PLEK2: variants seen among roughly 807,000 people sequenced by gnomAD.
The protein encoded by PLEK2 is pleckstrin-2.
Under a neutral mutation model 43.8 loss-of-function variants are expected in PLEK2, and 29 were observed. That is an observed-to-expected ratio of 0.66 (90% CI 0.49 to 0.90). The LOEUF is 0.90. Among genes scored for constraint, PLEK2 ranks in the 40% least tolerant of loss-of-function variants. PLEK2 has a pLI of 0.00. For missense variants in PLEK2, 398 were observed against 448.1 expected (o/e 0.89, Z 1.01); for synonymous variants, 162 against 173.2 (o/e 0.94, Z 0.51).
intron 7 of PLEK2, among the ~76,000 whole-genome samples, chr14:67,389,125 C>T (rs937645243): frequency 1.1e-4 from 16 of 151,976 alleles, no homozygotes; most frequent in Admixed American, 6.6e-5. Flanking sequence ...TTACACACCT[C>T]GTGCCTCAGG....
intron 2 of PLEK2, among the ~76,000 whole-genome samples, 190 bp downstream of exon 2, chr14:67,397,472 G>A (rs1000705950): frequency 3.3e-5 from 5 of 152,338 alleles, no homozygotes; most frequent in South Asian, 2.1e-4. Context: ...GATGAGGAAC[G>A]AAGGCTCAGA....
intron 1 of PLEK2, among the ~76,000 whole-genome samples, chr14:67,402,557 T>G (rs142107454): frequency 5.9e-5 from 9 of 152,322 alleles, no homozygotes; most frequent in African/African-American, 2.2e-4. Context: ...CCATTAACCA[T>G]TCCCATCTCC....
At chr14:67,391,173 GC>G (rs2085963620) in intron 6 of PLEK2, among the ~76,000 whole-genome samples, 1 of 152,084 alleles carries the variant, frequency 6.6e-6, no homozygotes, top group South Asian at 2.1e-4. Context: ...CTACACGTGT[GC>G]CCACATGTGC....
chr14:67,397,834 CA>C lies in PLEK2; in HGVS notation c.43-9del, dbSNP rs1288906776. 7 of 1,603,408 alleles carry C rather than the reference CA, an allele frequency of 4.4e-6. No homozygotes were observed. The East Asian group carries it at 1.6e-4, about 36-fold the overall frequency. On this transcript the variant is annotated splice_polypyrimidine_tract_variant and intron_variant, in intron 1 of 8. Coordinates refer to ENST00000216446, the MANE Select transcript of PLEK2 (RefSeq NM_016445.3). ...GTTGTGGACAATGTGGCCCTATGGACAGACAAGAAAGCCCTGAGGTGAGGCG... is the reference window on the plus strand; with the variant it reads ...GTTGTGGACAATGTGGCCCTATGGACGACAAGAAAGCCCTGAGGTGAGGCG...
rs761790304 is a variant in PLEK2 at position 67,392,801 on chromosome 14, C to T, written c.530G>A (p.Arg177His). The change falls in exon 5 of 9, where the codon CGT (arginine) becomes CAT (histidine). Residue 177 changes from arginine to histidine, a missense_variant. By Grantham distance (29) the Arg-to-His change is conservative (BLOSUM62 0). Coordinates refer to ENST00000216446, the MANE Select transcript of PLEK2 (RefSeq NM_016445.3). ...GGAGGCCAGGGTCACCGCCTCCAGA[C>T]GGCTGGCCGTGAAGCTGTTGGAGAT... Reference protein sequence around the residue: ...WLISNSFTASRLEAVTLASML... With the variant: ...WLISNSFTASHLEAVTLASML... 29 of 1,613,720 alleles carry T rather than the reference C, an allele frequency of 1.8e-5. No homozygotes were observed. Among genetic ancestry groups the T allele is most frequent in the Non-Finnish European group, 1.9e-5 (22 of 1,179,810 alleles).
chr14:67,399,948 C>A (rs1022416415), intron 1 of PLEK2, among the ~76,000 whole-genome samples: 4 of 152,184 alleles, frequency 2.6e-5, no homozygotes, highest in African/African-American at 9.7e-5. Flanking sequence ...GGGCTAGGTT[C>A]TAACCAACAG....
chr14:67,408,084 C>T lies in PLEK2; in HGVS notation c.42+3934G>A, dbSNP rs1020593440. Among the ~76,000 whole-genome samples the T allele has an allele frequency of 5.3e-5, 8 of 152,090 alleles. No individual in the cohort carries two copies. The South Asian group carries it at 1.7e-3, about 32-fold the overall frequency. On this transcript the variant is annotated intron_variant, in intron 1 of 8. Coordinates refer to ENST00000216446, the MANE Select transcript of PLEK2 (RefSeq NM_016445.3). ...GGTGGATCACCTGAGGTTGGGAGTT[C>T]AAGACCAGCCTGACCAACACGGAGA...
chr14:67,395,491 G>C lies in PLEK2; in HGVS notation c.300C>G (p.Thr100=). The C allele has an allele frequency of 6.2e-7, 1 of 1,613,994 alleles. No individual in the cohort carries two copies. Among genetic ancestry groups the C allele is most frequent in the African/African-American group, 1.3e-5 (1 of 75,028 alleles). The change falls in exon 3 of 9, where the codon ACC becomes ACG. Residue 100 remains threonine (T), a synonymous_variant. Transcript: ENST00000216446. ...CCGGCTGCCCTGCATGAATAGCCCC[G>C]GTGATCTCAAAGGCCCAGGCATCCC... ...EERDAWAFEI[T]GAIHAGQPGK...
At chr14:67,389,161 T>C (rs753066436) in intron 7 of PLEK2, among the ~76,000 whole-genome samples, 16 of 151,980 alleles carry the variant, frequency 1.1e-4, no homozygotes, top group Non-Finnish European at 2.1e-4. Context: ...AATTAATCAA[T>C]AATCAACTTC....
In PLEK2 at chr14:67,398,019, A is replaced by G. The variant is rs564709997; in HGVS notation, c.43-193T>C. On this transcript the variant is annotated intron_variant, in intron 1 of 8. Coordinates refer to ENST00000216446, the MANE Select transcript of PLEK2 (RefSeq NM_016445.3). ...CTTTGGCACTGACCTTCTAGTTCCT[A>G]TTTGGCCATTTCTCTGGTTTTAAAT... The G allele has an allele frequency of 1.3e-4, 53 of 408,788 alleles. 2 individuals are homozygous for G. In the South Asian group the frequency reaches 5.0e-3, roughly 38 times the overall value. The allele number at this position is 408,788 out of a possible 1,614,324, so 25.3% of individuals were successfully genotyped here.
At chr14:67,410,694 A>G (rs561310170) in intron 1 of PLEK2, among the ~76,000 whole-genome samples, 5 of 152,322 alleles carry the variant, frequency 3.3e-5, no homozygotes, top group Admixed American at 2.6e-4. Flanking sequence ...GGGCTGATCC[A>G]GCCACCCCGG....
At chr14:67,405,853 G>A (rs542076415) in intron 1 of PLEK2, among the ~76,000 whole-genome samples, 1 of 152,188 alleles carries the variant, frequency 6.6e-6, no homozygotes, top group Non-Finnish European at 1.5e-5. Flanking sequence ...AAGCCTTCAG[G>A]TGACTGTCAC....
intron 1 of PLEK2, among the ~76,000 whole-genome samples, chr14:67,409,634 G>A (rs1382456961): frequency 6.6e-6 from 1 of 152,006 alleles, no homozygotes; most frequent in Non-Finnish European, 1.5e-5. Context: ...TGAGCTCCTT[G>A]CATTTTGCCT....
chr14:67,389,556 G>C (rs1178861691), intron 7 of PLEK2, among the ~76,000 whole-genome samples: 1 of 152,176 alleles, frequency 6.6e-6, no homozygotes, highest in Middle Eastern at 3.4e-3. Flanking sequence ...ATCTATGTAT[G>C]TATATGAGCA....
At chr14:67,410,384 C>T (rs1595662082) in intron 1 of PLEK2, among the ~76,000 whole-genome samples, 1 of 152,180 alleles carries the variant, frequency 6.6e-6, no homozygotes, top group Non-Finnish European at 1.5e-5. Flanking sequence ...GTGCCCAGCT[C>T]TCACTCTCCC....
chr14:67,393,005 C>T, intron 4 of PLEK2, 145 bp downstream of exon 4: 5 of 862,720 alleles, frequency 5.8e-6, no homozygotes, highest in Middle Eastern at 3.5e-4. Context: ...GCCGTGGCTG[C>T]ACACCCACAC....
chr14:67,402,513 T>G (rs754826677), intron 1 of PLEK2, among the ~76,000 whole-genome samples: 3 of 152,164 alleles, frequency 2.0e-5, no homozygotes, highest in Non-Finnish European at 4.4e-5. Context: ...AAATAGTAAG[T>G]CTTTCTCATT....
At chr14:67,389,335 G>C (rs2085950651) in intron 7 of PLEK2, among the ~76,000 whole-genome samples, 1 of 152,174 alleles carries the variant, frequency 6.6e-6, no homozygotes, top group Non-Finnish European at 1.5e-5. Context: ...GAGGACAGGA[G>C]AGTCCTGTCC....
chr14:67,392,745 CA>C lies in PLEK2; in HGVS notation c.585del (p.Val196TrpfsTer36). On this transcript the variant is annotated frameshift_variant, in exon 5 of 9. Coordinates refer to ENST00000216446, the MANE Select transcript of PLEK2 (RefSeq NM_016445.3). LOFTEE classifies it high-confidence loss of function. Reference protein sequence around the residue: ...SMLMEENFLRPVGVRSMGAIR... With the variant: ...SMLMEENFLRXVGVRSMGAIR... ...ATGGCTCCCATGCTTCGGACACCCA[CA>C]GGCCTGAGGAAGTTCTCCTCCATGA... is the stretch of plus-strand genomic sequence containing the variant. 1 of 1,614,192 alleles carries C rather than the reference CA, an allele frequency of 6.2e-7. No homozygotes were observed. Among genetic ancestry groups the C allele is most frequent in the Non-Finnish European group, 8.5e-7 (1 of 1,179,994 alleles).
Sources: allele counts gnomAD v4.1 joint callset (sites outside exome capture counted in the v4.1 genomes callset), GRCh38; gene constraint gnomAD v4.1.1; transcripts MANE v1.5; gene names NCBI Gene and HGNC (gene_info 2026-07-23, HGNC 2026-07-21).